The following MCC variants were observed in gnomAD, a reference collection of about 807,000 sequenced individuals.
The protein encoded by MCC is colorectal mutant cancer protein.
MCC carries 90 observed loss-of-function variants against 116.2 expected under a neutral mutation model. The ratio of observed to expected loss-of-function variants is 0.77; its 90% confidence interval spans 0.65 to 0.92. The LOEUF is 0.92. Ranked by LOEUF, MCC falls within the 40% of genes least tolerant of loss-of-function variation. The probability of loss-of-function intolerance (pLI) is 0.00; values close to 1 mark genes in which losing one functional copy is unlikely to be tolerated. For synonymous variants in MCC, 578 were observed against 510.5 expected (o/e 1.13, Z -1.78); for missense variants, 1,516 against 1,312.2 (o/e 1.16, Z -2.40).
At position 113,042,832 on chromosome 5, in the gene MCC, T is replaced by C. The variant is rs928687390; in HGVS notation, c.2756+698A>G. Among the ~76,000 whole-genome samples the C allele has an allele frequency of 5.3e-5, 8 of 151,490 alleles. No homozygotes were observed. In the South Asian group the frequency reaches 1.5e-3, roughly 27 times the overall value. On this transcript the variant is annotated intron_variant, in intron 17 of 18. Transcript: ENST00000408903. ...AAATATTGACTATATGTTAAAATAA[T>C]GTAGACATATTATGTTAAATAAAAT...
At chr5:113,288,200 C>T (rs1234387465) in intron 3 of MCC, among the ~76,000 whole-genome samples, 1 of 152,220 alleles carries the variant, frequency 6.6e-6, no homozygotes, top group Non-Finnish European at 1.5e-5. Flanking sequence ...CTTCACTGGG[C>T]CCCTTTGGCT....
At chr5:113,400,315 G>T (rs886077454) in intron 1 of MCC, among the ~76,000 whole-genome samples, 1 of 151,694 alleles carries the variant, frequency 6.6e-6, no homozygotes, top group African/African-American at 2.4e-5. Flanking sequence ...TAGAGACAGG[G>T]TTTCACCATA....
chr5:113,332,517 G>A (rs966266310), intron 3 of MCC, among the ~76,000 whole-genome samples: 1 of 140,256 alleles, frequency 7.1e-6, no homozygotes, highest in South Asian at 2.2e-4. Flanking sequence ...CAAGACTGCA[G>A]TAAGCCAGTG....
chr5:113,186,690 A>G lies in MCC; in HGVS notation c.628-35268T>C, dbSNP rs1210573444. Among the ~76,000 whole-genome samples the G allele has an allele frequency of 1.5e-4, 23 of 152,146 alleles. 1 individual carries two copies. Among genetic ancestry groups the G allele is most frequent in the Admixed American group, 1.5e-3 (23 of 15,284 alleles). ...CACATACTAGAGAAAACATCTACCT[A>G]TTAGCCCTGGGATGTCGAAAAAGCT... On this transcript the variant is annotated intron_variant, in intron 3 of 18. Transcript: ENST00000408903.
chr5:113,120,503 A>G (rs1430959062), intron 6 of MCC, among the ~76,000 whole-genome samples: 1 of 152,156 alleles, frequency 6.6e-6, no homozygotes, highest in Admixed American at 6.5e-5. Flanking sequence ...TGGCTTCCAG[A>G]ATACCACTCT....
At chr5:113,089,696 AATTGT>A (rs1755463309) in intron 8 of MCC, among the ~76,000 whole-genome samples, 2 of 152,214 alleles carry the variant, frequency 1.3e-5, no homozygotes, top group South Asian at 2.1e-4. Context: ...CTGAATTTTT[AATTGT>A]ATTGTATTTT....
At chr5:113,356,407 A>G (rs924826593) in intron 2 of MCC, among the ~76,000 whole-genome samples, 2 of 148,348 alleles carry the variant, frequency 1.3e-5, no homozygotes, top group Non-Finnish European at 3.0e-5. Context: ...TATATATATC[A>G]AGTTTTAAAA....
At chr5:113,412,490 C>G (rs903317035) in intron 1 of MCC, among the ~76,000 whole-genome samples, 7 of 152,114 alleles carry the variant, frequency 4.6e-5, no homozygotes, top group African/African-American at 1.7e-4. Flanking sequence ...CCTTCACATC[C>G]CTTGTAAGTT....
At chr5:113,390,731 A>C (rs1769379592) in intron 1 of MCC, among the ~76,000 whole-genome samples, 1 of 152,168 alleles carries the variant, frequency 6.6e-6, no homozygotes, top group Admixed American at 6.5e-5. Flanking sequence ...CACAATGATA[A>C]TAAATCCCAA....
intron 1 of MCC, among the ~76,000 whole-genome samples, chr5:113,413,904 C>T (rs1770066247): frequency 6.6e-6 from 1 of 152,178 alleles, no homozygotes. Context: ...CTCTTGTAGG[C>T]ATTTAGTGCT....
intron 3 of MCC, among the ~76,000 whole-genome samples, chr5:113,323,527 G>A (rs1021574391): frequency 1.1e-4 from 16 of 152,192 alleles, no homozygotes; most frequent in African/African-American, 3.9e-4. Flanking sequence ...AAGCTGAATG[G>A]CAGAGGGAAG....
chr5:113,105,322 G>A (rs1302547416), intron 6 of MCC, among the ~76,000 whole-genome samples: 2 of 152,130 alleles, frequency 1.3e-5, no homozygotes, highest in Non-Finnish European at 2.9e-5. Flanking sequence ...TACTAAAATG[G>A]TTAACTGCTT....
At position 113,434,063 on chromosome 5, in the gene MCC, C is replaced by A. The variant is rs1023360814; in HGVS notation, c.171-48851G>T. The A allele has an allele frequency of 5.6e-6, 9 of 1,614,026 alleles. No individual in the cohort carries two copies. Among genetic ancestry groups the A allele is most frequent in the African/African-American group, 5.3e-5 (4 of 74,938 alleles). ...TGAGGATCTCGTCGATGTGGAGCCG[C>A]CGGTTGACGTCGGGCTGCAGCATGT... On this transcript the variant is annotated intron_variant, in intron 1 of 18. Transcript: ENST00000408903. The surrounding 1 kb of genome is among the most constrained non-coding windows in gnomAD (Gnocchi z 4.2).
At chr5:113,479,558 C>CCAAA (rs77599511) in intron 1 of MCC, among the ~76,000 whole-genome samples, 26,596 of 151,982 alleles carry the variant, frequency 0.17, 2,423 homozygotes, top group Non-Finnish European at 0.2. Context: ...GTGTCCTCTT[C>CCAAA]CAAATTGTCT....
chr5:113,248,938 G>A (rs1024113144), intron 3 of MCC, among the ~76,000 whole-genome samples: 1 of 151,526 alleles, frequency 6.6e-6, no homozygotes, highest in African/African-American at 2.4e-5. Flanking sequence ...CCGCCTCCTG[G>A]GTTCAAGTGA....
At chr5:113,043,503 C>T (rs1213261449) in intron 17 of MCC, 27 bp downstream of exon 17, 11 of 1,597,028 alleles carry the variant, frequency 6.9e-6, no homozygotes, top group Non-Finnish European at 9.4e-6. Flanking sequence ...GGATAAACAC[C>T]AGCTGGGGTG....
intron 3 of MCC, among the ~76,000 whole-genome samples, chr5:113,256,614 G>GTAGCATTTACTTGAAA (rs11272518): frequency 0.22 from 33,958 of 151,856 alleles, 6,680 homozygotes; most frequent in African/African-American, 0.51. Flanking sequence ...GTAGACAGCT[G>GTAGCATTTACTTGAAA]TAGCATTTAC....
chr5:113,469,347 G>T (rs995488276), intron 1 of MCC, among the ~76,000 whole-genome samples: 1 of 152,010 alleles, frequency 6.6e-6, no homozygotes, highest in African/African-American at 2.4e-5. Flanking sequence ...TCTACACACT[G>T]CTTTGAATGT....
intron 3 of MCC, among the ~76,000 whole-genome samples, chr5:113,161,920 T>G (rs578187323): frequency 2.6e-4 from 40 of 152,370 alleles, no homozygotes; most frequent in African/African-American, 9.4e-4. Context: ...ATGCTCCGTT[T>G]CAGGGAAGGC....
Sources: gnomAD v4.1 joint callset for allele counts (sites outside exome capture counted in the v4.1 genomes callset) on GRCh38, gnomAD v4.1.1 for gene constraint, Gnocchi (gnomAD v3.1) non-coding constraint, MANE v1.5 for transcripts, NCBI Gene and HGNC (gene_info 2026-07-23, HGNC 2026-07-21) for gene names.